Variants in LONRF2 observed in about 807,000 individuals in gnomAD.
The protein encoded by LONRF2 is LON peptidase N-terminal domain and ring finger 2.
In LONRF2, 35 loss-of-function variants were observed where a neutral mutation model predicts 66.6. The ratio of observed to expected loss-of-function variants is 0.53; its 90% CI spans 0.40 to 0.70. The LOEUF (loss-of-function observed/expected upper bound fraction) is 0.70, where lower values mean the gene tolerates loss of function less well. LONRF2 is among the 30% of genes least tolerant of loss of function. The pLI is 0.00. For synonymous variants in LONRF2, 417 were observed against 418.1 expected, an observed-to-expected ratio of 1.00 and a Z score of 0.03; for missense variants, 902 against 1,002.1, an observed-to-expected ratio of 0.90 and a Z score of 1.35.
chr2:100,300,444 C>A (rs1207722131), intron 4 of LONRF2, among the ~76,000 whole-genome samples, 200 bp downstream of exon 4: 2 of 152,126 alleles, frequency 1.3e-5, no homozygotes, highest in Non-Finnish European at 2.9e-5. Context: ...AAGCTTCTTT[C>A]AATCTTTAAT....
rs1021443394 is a variant in LONRF2 at position 100,321,859 on chromosome 2, C to T, written c.235G>A (p.Gly79Ser). ...AGCCGCGCGGCGCCGCGGAACGCGC[C>T]CAGGGCTTCGGGGAGGCGGCCGGCG... ...ARAGRLPEAL[G>S]AFRGAARLGA... The change falls in exon 1 of 12, where the codon GGC (glycine) becomes AGC (serine). Residue 79 changes from glycine (G) to serine (S), a missense_variant. Transcript: ENST00000393437. 8.4e-6 allele frequency: 10 copies of T among 1,191,042 alleles called. No individual in the cohort carries two copies. The highest frequency in any genetic ancestry group is 7.6e-5 in the East Asian group (2 of 26,296). The allele number at this position is 1,191,042 out of a possible 1,614,324, so 73.8% of individuals were successfully genotyped here.
At chr2:100,289,524 C>T (rs1293086601) in intron 10 of LONRF2, among the ~76,000 whole-genome samples, 1 of 148,626 alleles carries the variant, frequency 6.7e-6, no homozygotes, top group East Asian at 2.0e-4. Flanking sequence ...CAACCTTCAG[C>T]TCCCAGGTTC....
At chr2:100,295,615 G>T in intron 7 of LONRF2, 62 bp from the exon 8 acceptor site, 1 of 1,528,914 alleles carries the variant, frequency 6.5e-7, no homozygotes, top group Non-Finnish European at 8.9e-7. Flanking sequence ...CGAAGCTTCC[G>T]AGTGGAAAGG....
Position 100,322,224 on chromosome 2 carries a change from G to A in LONRF2, c.-131C>T. On this transcript the variant is annotated 5_prime_UTR_variant, in exon 1 of 12. Coordinates refer to ENST00000393437, the MANE Select transcript of LONRF2 (RefSeq NM_198461.4). ...GCAGCCACGCGCGTCTGGGGGCGGC[G>A]CGCTGCGAGCGGCTGAGACCGCGGG... is the stretch of plus-strand genomic sequence containing the variant. The A allele has an allele frequency of 1.0e-6, 1 of 973,146 alleles. No individual in the cohort carries two copies. The highest frequency in any genetic ancestry group is 1.3e-6 in the Non-Finnish European group (1 of 763,466). The allele number at this position is 973,146 out of a possible 1,614,324, so 60.3% of individuals were successfully genotyped here. A position where few individuals can be genotyped will look rare whatever the true frequency, so the allele number is the denominator to read the frequency against.
chr2:100,308,323 A>C (rs1675338367), intron 2 of LONRF2, among the ~76,000 whole-genome samples: 2 of 152,240 alleles, frequency 1.3e-5, no homozygotes, highest in South Asian at 4.1e-4. Flanking sequence ...CGTCTCAAAA[A>C]ATAAAATAAA....
intron 3 of LONRF2, 123 bp from the exon 4 acceptor site, chr2:100,300,910 A>G: frequency 1.4e-6 from 1 of 737,098 alleles, no homozygotes; most frequent in Non-Finnish European, 2.0e-6. Context: ...GAAAAGAATA[A>G]TTTTAACTGC....
rs1675656575 is a variant in LONRF2, at chr2:100,322,285, C to G, written c.-192G>C. On this transcript the variant is annotated 5_prime_UTR_variant, in exon 1 of 12. Coordinates refer to ENST00000393437, the MANE Select transcript of LONRF2 (RefSeq NM_198461.4). ...CGCCTGGCTTGGGCAGCGTCCTCAG[C>G]GCGGTGTGGGCGGCGAGCCCCGCAG... 4.5e-6 allele frequency: 2 copies of G among 441,436 alleles called. No homozygotes were observed. Among genetic ancestry groups the G allele is most frequent in the Non-Finnish European group, 7.1e-6 (2 of 283,112 alleles). 27.3% of individuals were successfully genotyped at this position (441,436 alleles called of 1,614,324 possible). A position where few individuals can be genotyped will look rare whatever the true frequency, so the allele number is the denominator to read the frequency against.
rs1361335240 is a variant in LONRF2 at position 100,272,815 on chromosome 2, T to A, written c.*11483A>T. Among the ~76,000 whole-genome samples the A allele has an allele frequency of 6.6e-6, 1 of 152,202 alleles. No individual in the cohort carries two copies. Among genetic ancestry groups the A allele is most frequent in the African/African-American group, 2.4e-5 (1 of 41,450 alleles). ...CTTATTAAATCTTATCTGCCTTGGATAGAAATGATTTTTAAAAGTAATTAT... is the reference window on the plus strand; with the variant it reads ...CTTATTAAATCTTATCTGCCTTGGAAAGAAATGATTTTTAAAAGTAATTAT... On this transcript the variant is annotated 3_prime_UTR_variant, in exon 12 of 12. Transcript: ENST00000393437.
At position 100,321,450 on chromosome 2, in the gene LONRF2, G is replaced by T; in HGVS notation, c.644C>A (p.Ala215Asp). The T allele has an allele frequency of 6.7e-7, 1 of 1,494,938 alleles. No individual in the cohort carries two copies. Among genetic ancestry groups the T allele is most frequent in the East Asian group, 2.8e-5 (1 of 35,570 alleles). The allele number at this position is 1,494,938 out of a possible 1,614,324, so 92.6% of individuals were successfully genotyped here. A position where few individuals can be genotyped will look rare whatever the true frequency, so the allele number is the denominator to read the frequency against. Reference protein sequence around the residue: ...RSLQRQQQPEAALLRCDQALE... With the variant: ...RSLQRQQQPEDALLRCDQALE... ...GGCCTGGTCGCACCTGAGCAGCGCGGCCTCCGGCTGCTGCTGGCGCTGCAG... is the reference window on the plus strand; with the variant it reads ...GGCCTGGTCGCACCTGAGCAGCGCGTCCTCCGGCTGCTGCTGGCGCTGCAG... Residue 215 changes from alanine to aspartate, a missense_variant, in exon 1 of 12, where the codon GCC becomes GAC. This residue lies in a region of LONRF2 where 585 missense variants were observed against 569.9 expected (regional missense o/e 1.03). Coordinates refer to ENST00000393437, the MANE Select transcript of LONRF2 (RefSeq NM_198461.4).
chr2:100,302,470 T>A (rs766648250), intron 3 of LONRF2, among the ~76,000 whole-genome samples: 1 of 152,188 alleles, frequency 6.6e-6, no homozygotes, highest in Non-Finnish European at 1.5e-5. Flanking sequence ...TGTATAAGCT[T>A]TTTAACAGGA....
At chr2:100,295,682 G>A in intron 7 of LONRF2, 129 bp from the exon 8 acceptor site, 3 of 855,376 alleles carry the variant, frequency 3.5e-6, no homozygotes, top group Non-Finnish European at 5.2e-6. Flanking sequence ...AAGGGATGGA[G>A]AGAGAGGCGG....
At chr2:100,303,149 C>T (rs1675221897) in intron 2 of LONRF2, 106 bp from the exon 3 acceptor site, 1 of 1,170,732 alleles carries the variant, frequency 8.5e-7, no homozygotes, top group Non-Finnish European at 1.2e-6. Flanking sequence ...GTTTTAATTT[C>T]ACATTACATA....
chr2:100,295,522 A>C lies in LONRF2; in HGVS notation c.1508T>G (p.Val503Gly). 8 of 1,613,718 alleles carry C rather than the reference A, an allele frequency of 5.0e-6. No homozygotes were observed. The highest frequency in any genetic ancestry group is 6.8e-6 in the Non-Finnish European group (8 of 1,179,834). ...TCGAAATATTAATTCTTCGGCCAGA[A>C]CAGTTATGTTAAAGTTTCTGCTTGC... ...LLASRNFNITVLAEELIFRYL... is the reference protein window; with the variant it reads ...LLASRNFNITGLAEELIFRYL... The change falls in exon 8 of 12, where the codon GTT becomes GGT. Residue 503 changes from valine to glycine, a missense_variant. Around this residue, in one of 2 missense-constraint regions of LONRF2, gnomAD observed 317 missense variants for 432.2 expected, o/e 0.73. Coordinates refer to ENST00000393437, the MANE Select transcript of LONRF2 (RefSeq NM_198461.4).
At chr2:100,303,188 T>C (rs1675222432) in intron 2 of LONRF2, 145 bp from the exon 3 acceptor site, 1 of 822,212 alleles carries the variant, frequency 1.2e-6, no homozygotes. Flanking sequence ...AAAGGATGAC[T>C]CTATCGCTAC....
At chr2:100,292,382 A>G (rs1674980283) in intron 9 of LONRF2, among the ~76,000 whole-genome samples, 1 of 152,184 alleles carries the variant, frequency 6.6e-6, no homozygotes, top group Non-Finnish European at 1.5e-5. Context: ...CAGCCCACAC[A>G]AGGTCATTAG....
intron 2 of LONRF2, among the ~76,000 whole-genome samples, chr2:100,305,657 T>G (rs1030039345): frequency 2.6e-5 from 4 of 152,196 alleles, no homozygotes; most frequent in Non-Finnish European, 5.9e-5. Flanking sequence ...AAAGACATGA[T>G]GAGTACTTTA....
At chr2:100,317,844 A>G (rs1293249747) in intron 1 of LONRF2, among the ~76,000 whole-genome samples, 2 of 152,186 alleles carry the variant, frequency 1.3e-5, no homozygotes, top group African/African-American at 4.8e-5. Context: ...TTCGAAGGAA[A>G]TATGTCCTGT....
intron 6 of LONRF2, 60 bp downstream of exon 6, chr2:100,299,166 G>A (rs2105724279): frequency 8.1e-7 from 1 of 1,240,580 alleles, no homozygotes; most frequent in East Asian, 2.4e-5. Context: ...TTACACTTTG[G>A]TATACATTTC....
intron 1 of LONRF2, among the ~76,000 whole-genome samples, chr2:100,319,114 C>G (rs1310140540): frequency 8.2e-6 from 1 of 121,900 alleles, no homozygotes; most frequent in Non-Finnish European, 1.7e-5. Flanking sequence ...GAGCAAGACT[C>G]CGTCTTAAAA....
Sources: allele counts gnomAD v4.1 joint callset (sites outside exome capture counted in the v4.1 genomes callset), GRCh38; gene constraint gnomAD v4.1.1; regional missense constraint gnomAD v4.1.1; transcripts MANE v1.5; gene names NCBI Gene and HGNC (gene_info 2026-07-23, HGNC 2026-07-21).